NRXN3: variants seen among roughly 807,000 people sequenced by gnomAD.
The protein encoded by NRXN3 is neurexin 3.
In NRXN3, 32 loss-of-function variants were observed where a neutral mutation model predicts 137.6. The observed-to-expected ratio is 0.23, with a 90% confidence interval of 0.18 to 0.31. The LOEUF is 0.31. NRXN3 is among the 10% of genes least tolerant of loss of function. NRXN3 has a pLI of 1.00. For missense variants in NRXN3, 1,574 were observed against 2,062.5 expected, an observed-to-expected ratio of 0.76 and a Z score of 4.59; for synonymous variants, 798 against 784.5, an observed-to-expected ratio of 1.02 and a Z score of -0.29.
At chr14:78,213,445 C>T (rs542418747) in intron 1 of NRXN3, among the ~76,000 whole-genome samples, 6 of 151,986 alleles carry the variant, frequency 3.9e-5, no homozygotes, top group East Asian at 1.9e-4. Flanking sequence ...CACCTGACTC[C>T]AGTGAAAGGA....
At chr14:78,539,648 C>T (rs2096569668) in intron 4 of NRXN3, among the ~76,000 whole-genome samples, 2 of 152,090 alleles carry the variant, frequency 1.3e-5, no homozygotes, top group Non-Finnish European at 2.9e-5. Flanking sequence ...TTGCCTTCTG[C>T]TAACTTTTGA....
intron 4 of NRXN3, among the ~76,000 whole-genome samples, chr14:78,376,009 CACACACACACAT>C (rs945620523): frequency 8.7e-5 from 13 of 148,798 alleles, no homozygotes; most frequent in Admixed American, 2.7e-4. Context: ...TTGATACACA[CACACACACACAT>C]ACACACACAC....
At chr14:78,521,499 T>C (rs1165790539) in intron 4 of NRXN3, among the ~76,000 whole-genome samples, 1 of 152,210 alleles carries the variant, frequency 6.6e-6, no homozygotes, top group Non-Finnish European at 1.5e-5. Flanking sequence ...AGAAGTGCTC[T>C]GCCTGAAGCC....
chr14:79,354,852 G>C (rs559156033), intron 15 of NRXN3, among the ~76,000 whole-genome samples: 124 of 152,286 alleles, frequency 8.1e-4, no homozygotes, highest in African/African-American at 2.9e-3. Flanking sequence ...CTAAGTGCCA[G>C]AGCTGTATAT....
At chr14:79,186,954 AG>A (rs201311792) in intron 15 of NRXN3, among the ~76,000 whole-genome samples, 2 of 152,332 alleles carry the variant, frequency 1.3e-5, no homozygotes, top group East Asian at 3.9e-4. Context: ...TGCTCCTAAT[AG>A]CTCTGAGCAT....
chr14:79,388,562 C>G (rs1378502737), intron 15 of NRXN3, among the ~76,000 whole-genome samples: 1 of 151,982 alleles, frequency 6.6e-6, no homozygotes, highest in Non-Finnish European at 1.5e-5. Context: ...CCCCATGGTG[C>G]TTTGTGGCAC....
intron 10 of NRXN3, among the ~76,000 whole-genome samples, chr14:78,874,359 G>A (rs758717125): frequency 2.6e-4 from 40 of 152,110 alleles, no homozygotes; most frequent in Non-Finnish European, 4.7e-4. Context: ...TTACATTGTC[G>A]TAAGTAATGT....
At chr14:79,240,246 TGAA>T (rs2074057815) in intron 15 of NRXN3, among the ~76,000 whole-genome samples, 1 of 152,128 alleles carries the variant, frequency 6.6e-6, no homozygotes, top group African/African-American at 2.4e-5. Flanking sequence ...TCCATCTGAT[TGAA>T]GACCATCTTC....
At chr14:78,810,450 C>G (rs1332772080) in intron 10 of NRXN3, 106 bp downstream of exon 10, 1 of 449,688 alleles carries the variant, frequency 2.2e-6, no homozygotes. Context: ...ATTATTTTTT[C>G]TTTTAACAAT....
rs74624730 is a variant in NRXN3 at position 78,440,761 on chromosome 14, G to A, written c.757+142901G>A. ...GAGAGCCAGGAGGAGGTGAGGAGGGGTTGGGGTGGGGTGTGCTGCAGGGAT... is the reference window on the plus strand; with the variant it reads ...GAGAGCCAGGAGGAGGTGAGGAGGGATTGGGGTGGGGTGTGCTGCAGGGAT... On this transcript the variant is annotated intron_variant, in intron 4 of 20. Coordinates refer to ENST00000335750, the MANE Select transcript of NRXN3 (RefSeq NM_001330195.2). Among the ~76,000 whole-genome samples, 551 of 152,190 alleles carry A rather than the reference G, an allele frequency of 3.6e-3. 24 individuals carry two copies. The East Asian group carries it at 0.066, about 18-fold the overall frequency.
At chr14:79,749,509 C>T (rs2098990522) in intron 19 of NRXN3, among the ~76,000 whole-genome samples, 3 of 151,886 alleles carry the variant, frequency 2.0e-5, no homozygotes, top group Non-Finnish European at 4.4e-5. Flanking sequence ...TCAAGTGATC[C>T]TCCAGCCTTG....
chr14:79,500,059 A>T (rs1431902511), intron 16 of NRXN3, among the ~76,000 whole-genome samples: 3 of 151,886 alleles, frequency 2.0e-5, no homozygotes, highest in African/African-American at 7.3e-5. Flanking sequence ...AGTAAAGGTT[A>T]TAAATCTAGA....
chr14:79,544,156 T>C (rs1163316217), intron 16 of NRXN3, among the ~76,000 whole-genome samples: 1 of 152,142 alleles, frequency 6.6e-6, no homozygotes, highest in African/African-American at 2.4e-5. Context: ...GGCAACAAAT[T>C]AAGGGACACA....
chr14:79,667,082 T>C (rs2098563229), intron 17 of NRXN3, among the ~76,000 whole-genome samples: 1 of 152,198 alleles, frequency 6.6e-6, no homozygotes, highest in Non-Finnish European at 1.5e-5. Context: ...ATTAATAATT[T>C]AAAGTATCAT....
chr14:79,387,223 C>T (rs942432138), intron 15 of NRXN3, among the ~76,000 whole-genome samples: 8 of 152,076 alleles, frequency 5.3e-5, no homozygotes, highest in African/African-American at 1.7e-4. Context: ...GGCTAATATC[C>T]AGAATCTACA....
rs1308491383 is a variant in NRXN3 at position 78,926,909 on chromosome 14, AAT to A, written c.2276-30323_2276-30322del. Among the ~76,000 whole-genome samples the A allele has an allele frequency of 7.6e-4, 22 of 28,864 alleles. 5 individuals carry two copies. Among genetic ancestry groups the A allele is most frequent in the East Asian group, 6.5e-3 (3 of 464 alleles). The allele number at this position is 28,864 out of a possible 152,430, so 18.9% of individuals were successfully genotyped here. On this transcript the variant is annotated intron_variant, in intron 10 of 20. Transcript: ENST00000335750. ...ATTTATATATATATATAATATATAT[AAT>A]ATATATATAATATATAATATATTTA...
intron 2 of NRXN3, among the ~76,000 whole-genome samples, chr14:78,262,098 G>A (rs1596488684): frequency 6.6e-6 from 1 of 152,212 alleles, no homozygotes; most frequent in African/African-American, 2.4e-5. Context: ...ATCCAAAGAT[G>A]AGAAGGAGCA....
intron 4 of NRXN3, among the ~76,000 whole-genome samples, chr14:78,339,834 G>A (rs879852025): frequency 7.2e-5 from 11 of 152,154 alleles, no homozygotes; most frequent in Non-Finnish European, 7.4e-5. Flanking sequence ...TAGATGAGGA[G>A]CACTGAGAAG....
intron 16 of NRXN3, among the ~76,000 whole-genome samples, chr14:79,613,775 A>G (rs1288574810): frequency 6.6e-6 from 1 of 152,198 alleles, no homozygotes; most frequent in Non-Finnish European, 1.5e-5. Context: ...TCCCAGGCAC[A>G]AAGATAAATC....
Sources: gnomAD v4.1 joint callset for allele counts (sites outside exome capture counted in the v4.1 genomes callset) on GRCh38, gnomAD v4.1.1 for gene constraint, MANE v1.5 for transcripts, NCBI Gene and HGNC (gene_info 2026-07-23, HGNC 2026-07-21) for gene names.